EYS: variants seen among roughly 807,000 people sequenced by gnomAD.
The protein encoded by EYS is protein eyes shut homolog.
In EYS, 250 loss-of-function variants were observed where a neutral mutation model predicts 282.1. That is an observed-to-expected ratio of 0.89 (90% CI 0.80 to 0.98). The LOEUF (loss-of-function observed/expected upper bound fraction) is 0.98. Ranked by LOEUF, EYS falls within the 50% of genes least tolerant of loss-of-function variation. The probability of loss-of-function intolerance (pLI) is 0.00; values close to 1 mark genes in which losing one functional copy is unlikely to be tolerated. For synonymous variants in EYS, 1,355 were observed against 1,282.9 expected, an observed-to-expected ratio of 1.06 and a Z score of -1.20; for missense variants, 4,016 against 3,709.0, an observed-to-expected ratio of 1.08 and a Z score of -2.15.
intron 35 of EYS, among the ~76,000 whole-genome samples, chr6:63,966,888 T>C (rs1287583268): frequency 6.6e-6 from 1 of 152,210 alleles, no homozygotes; most frequent in Admixed American, 6.5e-5. Flanking sequence ...CCCTTATCTG[T>C]GGGGGATACA....
chr6:64,574,453 C>T (rs1414633389), intron 26 of EYS, among the ~76,000 whole-genome samples: 2 of 152,052 alleles, frequency 1.3e-5, no homozygotes, highest in Non-Finnish European at 2.9e-5. Flanking sequence ...AAAATATTTT[C>T]AGTTAAGCTG....
chr6:64,641,984 T>C (rs1768174534), intron 22 of EYS, among the ~76,000 whole-genome samples: 1 of 152,106 alleles, frequency 6.6e-6, no homozygotes. Flanking sequence ...GCCAAAAAGG[T>C]TGGGGACTGC....
At chr6:63,852,635 G>A (rs1772288874) in intron 36 of EYS, among the ~76,000 whole-genome samples, 3 of 152,120 alleles carry the variant, frequency 2.0e-5, no homozygotes, top group South Asian at 2.1e-4. Flanking sequence ...CATTTTATGA[G>A]GCTAGCATCA....
At chr6:65,680,148 T>C (rs186487088) in intron 1 of EYS, among the ~76,000 whole-genome samples, 190 of 151,424 alleles carry the variant, frequency 1.3e-3, no homozygotes, top group African/African-American at 4.5e-3. Context: ...ATAAGTTACA[T>C]TGAAGTTAAA....
At chr6:64,723,220 G>T (rs1771644936) in intron 22 of EYS, among the ~76,000 whole-genome samples, 1 of 152,094 alleles carries the variant, frequency 6.6e-6, no homozygotes, top group South Asian at 2.1e-4. Flanking sequence ...CCTTACCTGT[G>T]AAACATTCCT....
intron 2 of EYS, among the ~76,000 whole-genome samples, chr6:65,554,509 A>G (rs1297814567): frequency 1.3e-5 from 2 of 151,988 alleles, no homozygotes; most frequent in Non-Finnish European, 2.9e-5. Context: ...CTTTTCCTAT[A>G]TGTTCACTCT....
intron 13 of EYS, among the ~76,000 whole-genome samples, chr6:65,041,074 T>C (rs1454791838): frequency 1.3e-5 from 2 of 151,768 alleles, no homozygotes; most frequent in African/African-American, 4.8e-5. Context: ...GTACAGTTTT[T>C]CTTGATTCAG....
chr6:64,704,528 T>C (rs1449625114), intron 22 of EYS, among the ~76,000 whole-genome samples: 2 of 139,390 alleles, frequency 1.4e-5, no homozygotes, highest in Non-Finnish European at 3.1e-5. Context: ...ATTATAATAC[T>C]TATAATAATA....
chr6:63,834,495 A>G (rs998008071), intron 36 of EYS, among the ~76,000 whole-genome samples: 2 of 152,104 alleles, frequency 1.3e-5, no homozygotes, highest in African/African-American at 4.8e-5. Flanking sequence ...AATCAAAACC[A>G]CAATGAGATA....
At chr6:65,298,135 A>C (rs1459490111) in intron 11 of EYS, among the ~76,000 whole-genome samples, 3 of 152,092 alleles carry the variant, frequency 2.0e-5, no homozygotes, top group African/African-American at 7.2e-5. Context: ...TTCCTGAGCT[A>C]ATCTCTAGTT....
intron 33 of EYS, among the ~76,000 whole-genome samples, chr6:64,005,107 C>T (rs1768281560): frequency 6.6e-6 from 1 of 152,182 alleles, no homozygotes; most frequent in South Asian, 2.1e-4. Context: ...CCTGTTTCTC[C>T]ACAACCTTGC....
At chr6:64,487,570 C>A (rs1776613102) in intron 26 of EYS, among the ~76,000 whole-genome samples, 2 of 150,672 alleles carry the variant, frequency 1.3e-5, no homozygotes, top group African/African-American at 4.9e-5. Flanking sequence ...TATTTTAGAA[C>A]TAAAAGAAGA....
chr6:63,825,452 G>A (rs1771434035), intron 36 of EYS, among the ~76,000 whole-genome samples: 1 of 152,202 alleles, frequency 6.6e-6, no homozygotes, highest in South Asian at 2.1e-4. Context: ...CAAAAATAGA[G>A]CATTAAACCA....
At chr6:64,857,831 T>C (rs1463693258) in intron 19 of EYS, among the ~76,000 whole-genome samples, 1 of 152,186 alleles carries the variant, frequency 6.6e-6, no homozygotes, top group African/African-American at 2.4e-5. Context: ...AATTGTGGTT[T>C]TAATTTGCAT....
Position 65,063,309 on chromosome 6 carries a change from T to C in EYS, c.2024-5582A>G, listed in dbSNP as rs192780965. Among the ~76,000 whole-genome samples the C allele has an allele frequency of 2.3e-3, 347 of 152,134 alleles. 3 individuals are homozygous for C. Among genetic ancestry groups the C allele is most frequent in the Non-Finnish European group, 5.4e-4 (37 of 67,932 alleles). On this transcript the variant is annotated intron_variant, in intron 12 of 42. Transcript: ENST00000503581. Reference sequence around the variant, plus strand: ...GTTTGATCACCATCAAATTCCTTTTTACATATATTTTGGTTTGTGGAATGT... The same window carrying C: ...GTTTGATCACCATCAAATTCCTTTTCACATATATTTTGGTTTGTGGAATGT...
intron 5 of EYS, among the ~76,000 whole-genome samples, chr6:65,458,926 G>A: frequency 6.6e-6 from 1 of 151,772 alleles, no homozygotes; most frequent in Non-Finnish European, 1.5e-5. Context: ...TAGAGACAGA[G>A]GTAATAGAGA....
chr6:64,600,943 A>T (rs1301895455), intron 24 of EYS, among the ~76,000 whole-genome samples: 1 of 152,048 alleles, frequency 6.6e-6, no homozygotes, highest in Non-Finnish European at 1.5e-5. Flanking sequence ...TGCCACTAGG[A>T]CTGTTATAGT....
At chr6:64,796,498 A>T (rs1774358059) in intron 22 of EYS, among the ~76,000 whole-genome samples, 1 of 152,126 alleles carries the variant, frequency 6.6e-6, no homozygotes, top group South Asian at 2.1e-4. Flanking sequence ...CCACTTAAAA[A>T]TTTTTAGCGT....
At chr6:65,491,342 A>G (rs1017126414) in intron 4 of EYS, 2 of 280,612 alleles carry the variant, frequency 7.1e-6, no homozygotes, top group African/African-American at 4.4e-5. Context: ...TGCATATTTA[A>G]TCATCTTATA....
Sources: gnomAD v4.1 joint callset for allele counts (sites outside exome capture counted in the v4.1 genomes callset) on GRCh38, gnomAD v4.1.1 for gene constraint, MANE v1.5 for transcripts, NCBI Gene and HGNC (gene_info 2026-07-23, HGNC 2026-07-21) for gene names.